The following FOXO1 variants were observed in gnomAD, a reference collection of about 807,000 sequenced individuals.
The protein encoded by FOXO1 is forkhead box protein O1.
In FOXO1, 6 loss-of-function variants were observed where a neutral mutation model predicts 44.1. That is an observed-to-expected ratio of 0.14 (90% CI 0.07 to 0.27). FOXO1 has a LOEUF of 0.27. FOXO1 is among the 10% of genes least tolerant of loss of function. The probability of loss-of-function intolerance (pLI) is 1.00; values close to 1 mark genes in which losing one functional copy is unlikely to be tolerated. For synonymous variants in FOXO1, 380 were observed against 362.7 expected (o/e 1.05, Z -0.54); for missense variants, 737 against 888.8 (o/e 0.83, Z 2.17).
In FOXO1 at chr13:40,623,865, G is replaced by GC. The variant is rs1421568970; in HGVS notation, c.630+41717dup. Among the ~76,000 whole-genome samples, 5 of 151,554 alleles carry GC rather than the reference G, an allele frequency of 3.3e-5. No individual in the cohort carries two copies. In the East Asian group the frequency reaches 9.7e-4, roughly 30 times the overall value. ...GCCTGTAATCCCAACACTTTGGGAA[G>GC]CTGAGGCAGGAGGAGTTTGAGACCA... On this transcript the variant is annotated intron_variant, in intron 1 of 2. Transcript: ENST00000379561.
At chr13:40,635,366 GA>G (rs952361014) in intron 1 of FOXO1, among the ~76,000 whole-genome samples, 33 of 150,614 alleles carry the variant, frequency 2.2e-4, no homozygotes, top group East Asian at 7.8e-4. Context: ...ACATTTAGGG[GA>G]AAAAAAAACT....
chr13:40,657,366 T>C (rs1277090560), intron 1 of FOXO1, among the ~76,000 whole-genome samples: 1 of 148,580 alleles, frequency 6.7e-6, no homozygotes, highest in African/African-American at 2.5e-5. Context: ...TCGCCCAGGC[T>C]GGACTACAGT....
chr13:40,599,674 A>G (rs939328225), intron 1 of FOXO1, among the ~76,000 whole-genome samples: 3 of 152,154 alleles, frequency 2.0e-5, no homozygotes, highest in Non-Finnish European at 4.4e-5. Flanking sequence ...AGGAGCACAG[A>G]AAAGTGTAAA....
rs569009842 is a variant in FOXO1, at chr13:40,557,010, T to C, written c.*2039A>G. The stretch of plus-strand genomic sequence containing the variant: ...CCCCAAAATGAGGATGATAGAGTGG[T>C]GGCTGTTCAATGAATCTTCAAAAAA... On this transcript the variant is annotated 3_prime_UTR_variant, in exon 3 of 3. Coordinates refer to ENST00000379561, the MANE Select transcript of FOXO1 (RefSeq NM_002015.4). 6.6e-6 allele frequency: 1 copy of C among 152,298 alleles called. No homozygotes were observed. The highest frequency in any genetic ancestry group is 2.1e-4 in the South Asian group (1 of 4,828). The allele number at this position is 152,298 out of a possible 1,614,324, so 9.4% of individuals were successfully genotyped here.
chr13:40,559,758 T>C lies in FOXO1; in HGVS notation c.1733A>G (p.Tyr578Cys), dbSNP rs747905007. The change falls in exon 2 of 3, where the codon TAC becomes TGC. Residue 578 changes from tyrosine (Y) to cysteine (C), a missense_variant. Around this residue, in one of 7 missense-constraint regions of FOXO1, gnomAD observed 283 missense variants for 278.1 expected, o/e 1.02. Transcript: ENST00000379561. Reference protein sequence around the residue: ...HPMQMSALGGYSSVSSCNGYG... With the variant: ...HPMQMSALGGCSSVSSCNGYG... ...GCCATTGCAGCTGCTCACGGAGGAGTAGCCCCCCAGGGCACTCATCTGCAT... is the reference window on the plus strand; with the variant it reads ...GCCATTGCAGCTGCTCACGGAGGAGCAGCCCCCCAGGGCACTCATCTGCAT... The C allele has an allele frequency of 3.1e-6, 5 of 1,612,806 alleles. No individual in the cohort carries two copies. Among genetic ancestry groups the C allele is most frequent in the Non-Finnish European group, 4.2e-6 (5 of 1,179,374 alleles).
intron 1 of FOXO1, among the ~76,000 whole-genome samples, chr13:40,644,365 T>C (rs963217764): frequency 6.6e-6 from 1 of 152,180 alleles, no homozygotes; most frequent in Admixed American, 6.5e-5. Flanking sequence ...AAAGCTTCCA[T>C]GTGGACTGAC....
Position 40,560,056 on chromosome 13 carries a change from G to A in FOXO1, c.1435C>T (p.Pro479Ser), listed in dbSNP as rs1325888640. The A allele has an allele frequency of 1.9e-6, 3 of 1,614,028 alleles. No homozygotes were observed. The highest frequency in any genetic ancestry group is 2.5e-6 in the Non-Finnish European group (3 of 1,180,036). ...GGCTGGGCTACCCCAGGATCAACTG[G>A]TGTCATAATGTCATTATGGGGAGGA... Reference protein sequence around the residue: ...DSPPHNDIMTPVDPGVAQPNS... With the variant: ...DSPPHNDIMTSVDPGVAQPNS... Residue 479 changes from proline (P) to serine (S), a missense_variant, in exon 2 of 3, where the codon CCA becomes TCA. By Grantham distance (74) the Pro-to-Ser change is moderately conservative. Transcript: ENST00000379561. This position sits in a 1 kb window ranked among gnomAD's most constrained non-coding sequence, Gnocchi z 5.1.
At chr13:40,616,264 G>A (rs1876419396) in intron 1 of FOXO1, among the ~76,000 whole-genome samples, 1 of 151,906 alleles carries the variant, frequency 6.6e-6, no homozygotes, top group African/African-American at 2.4e-5. Flanking sequence ...ATAGTAAGGA[G>A]GATTTCTTTT....
In FOXO1 at chr13:40,557,520, C is replaced by A. The variant is rs1873803147; in HGVS notation, c.*1529G>T. 1 of 152,246 alleles carries A rather than the reference C, an allele frequency of 6.6e-6. No individual in the cohort carries two copies. Among genetic ancestry groups the A allele is most frequent in the Admixed American group, 6.5e-5 (1 of 15,288 alleles). 9.4% of individuals were successfully genotyped at this position (152,246 alleles called of 1,614,324 possible). A position where few individuals can be genotyped will look rare whatever the true frequency, so the allele number is the denominator to read the frequency against. ...AAGTTCTATTCCATTTGCTACCCAT[C>A]TGAACTTATGAACACAAATTCTACA... On this transcript the variant is annotated 3_prime_UTR_variant, in exon 3 of 3. Transcript: ENST00000379561.
At chr13:40,582,222 T>A (rs1566067001) in intron 1 of FOXO1, among the ~76,000 whole-genome samples, 2 of 152,188 alleles carry the variant, frequency 1.3e-5, no homozygotes, top group African/African-American at 4.8e-5. Flanking sequence ...AGCCATATTT[T>A]AAAAAAATAA....
At chr13:40,591,992 C>A (rs1341791116) in intron 1 of FOXO1, among the ~76,000 whole-genome samples, 1 of 152,140 alleles carries the variant, frequency 6.6e-6, no homozygotes, top group South Asian at 2.1e-4. Context: ...CAGACGTGAG[C>A]CACCGCACTC....
intron 1 of FOXO1, among the ~76,000 whole-genome samples, chr13:40,656,862 T>C (rs1037449797): frequency 6.6e-6 from 1 of 151,574 alleles, no homozygotes; most frequent in African/African-American, 2.4e-5. Flanking sequence ...ACCGAGTCTC[T>C]CTCTGTCGCC....
rs537581371 is a variant in FOXO1 at position 40,628,337 on chromosome 13, A to G, written c.630+37246T>C. On this transcript the variant is annotated intron_variant, in intron 1 of 2. Coordinates refer to ENST00000379561, the MANE Select transcript of FOXO1 (RefSeq NM_002015.4). ...AATATGTGCAGATTATACATCAGCT[A>G]TTCCTCAAAAGAGCTGTTTACACAC... is the stretch of plus-strand genomic sequence containing the variant. Among the ~76,000 whole-genome samples, 18 of 149,068 alleles carry G rather than the reference A, an allele frequency of 1.2e-4. 1 individual carries two copies. Among genetic ancestry groups the G allele is most frequent in the South Asian group, 8.6e-4 (4 of 4,626 alleles).
intron 1 of FOXO1, among the ~76,000 whole-genome samples, chr13:40,578,334 A>T (rs1350389615): frequency 6.6e-6 from 1 of 152,186 alleles, no homozygotes; most frequent in East Asian, 1.9e-4. Context: ...TGGTCCTAGA[A>T]TGCTGATCCT....
chr13:40,558,836 T>C lies in FOXO1; in HGVS notation c.*213A>G, dbSNP rs1283742304. 2 of 398,592 alleles carry C rather than the reference T, an allele frequency of 5.0e-6. No individual in the cohort carries two copies. The highest frequency in any genetic ancestry group is 4.1e-5 in the African/African-American group (2 of 48,512). 24.7% of individuals were successfully genotyped at this position (398,592 alleles called of 1,614,324 possible). On this transcript the variant is annotated 3_prime_UTR_variant, in exon 3 of 3. Coordinates refer to ENST00000379561, the MANE Select transcript of FOXO1 (RefSeq NM_002015.4). ...CACAGTCCTTATCTACAGCAGCACA[T>C]AACCTGCACACATTGGGCAAACATC...
chr13:40,645,168 G>C (rs1448705394), intron 1 of FOXO1, among the ~76,000 whole-genome samples: 1 of 152,200 alleles, frequency 6.6e-6, no homozygotes, highest in Non-Finnish European at 1.5e-5. Flanking sequence ...ACATGTCACA[G>C]TAGGAAAAGG....
chr13:40,584,425 A>G (rs2137855202), intron 1 of FOXO1, among the ~76,000 whole-genome samples: 1 of 135,960 alleles, frequency 7.4e-6, no homozygotes, highest in South Asian at 2.6e-4. Context: ...GGAGTTCAAG[A>G]CCAGCCTGGG....
At position 40,621,968 on chromosome 13, in the gene FOXO1, G is replaced by A. The variant is rs1302793357; in HGVS notation, c.630+43615C>T. ...ATGGCACAATGTTTAATACTGGCAA[G>A]ATCATCTCAGAGAGAAAAGGGATTC... On this transcript the variant is annotated intron_variant, in intron 1 of 2. Transcript: ENST00000379561. Among the ~76,000 whole-genome samples, 6 of 152,172 alleles carry A rather than the reference G, an allele frequency of 3.9e-5. No homozygotes were observed. The East Asian group carries it at 1.2e-3, about 29-fold the overall frequency.
intron 1 of FOXO1, among the ~76,000 whole-genome samples, chr13:40,604,418 A>G (rs1303051949): frequency 6.6e-6 from 1 of 151,718 alleles, no homozygotes. Flanking sequence ...CCTCTGGAAT[A>G]AACCATATGA....
Sources: allele counts gnomAD v4.1 joint callset (sites outside exome capture counted in the v4.1 genomes callset), GRCh38; gene constraint gnomAD v4.1.1; regional missense constraint gnomAD v4.1.1; non-coding constraint Gnocchi (gnomAD v3.1); transcripts MANE v1.5; gene names NCBI Gene and HGNC (gene_info 2026-07-23, HGNC 2026-07-21).